DNAH1: variants seen among roughly 807,000 people sequenced by gnomAD.
DNAH1 encodes axonemal beta dynein heavy chain 1.
In DNAH1, 327 loss-of-function variants were observed where a neutral mutation model predicts 484.3. That is an observed-to-expected ratio of 0.68 (90% CI 0.62 to 0.74). DNAH1 has a LOEUF of 0.74. Among genes scored for constraint, DNAH1 ranks in the 30% least tolerant of loss-of-function variants. The pLI is 0.00. For missense variants in DNAH1, 5,052 were observed against 5,546.8 expected (o/e 0.91, Z 2.83); for synonymous variants, 2,192 against 2,191.9 (o/e 1.00, Z 0.00).
chr3:52,392,499 C>G lies in DNAH1; in HGVS notation c.10088C>G (p.Ala3363Gly). 6.2e-7 allele frequency: 1 copy of G among 1,613,878 alleles called. No homozygotes were observed. Among genetic ancestry groups the G allele is most frequent in the Non-Finnish European group, 8.5e-7 (1 of 1,179,866 alleles). ...GACCAGCTACTGGGCCAGGTAGTGG[C>G]AGAGGAGCGACCCGACCTGGAGGAG... is the stretch of plus-strand genomic sequence containing the variant. ...LEDQLLGQVV[A>G]EERPDLEEAK... Residue 3363 changes from alanine to glycine, a missense_variant, in exon 64 of 78, where the codon GCA becomes GGA. Coordinates refer to ENST00000420323, the MANE Select transcript of DNAH1 (RefSeq NM_015512.5).
intron 46 of DNAH1, among the ~76,000 whole-genome samples, chr3:52,378,293 T>G (rs1703690489): frequency 6.6e-6 from 1 of 151,338 alleles, no homozygotes; most frequent in South Asian, 2.1e-4. Flanking sequence ...ACAGCCTCCA[T>G]AGGACAAGGC....
At chr3:52,394,037 C>A (rs1704509443) in intron 66 of DNAH1, among the ~76,000 whole-genome samples, 1 of 152,260 alleles carries the variant, frequency 6.6e-6, no homozygotes, top group African/African-American at 2.4e-5. Flanking sequence ...AGACTGTCCC[C>A]AGGGACGGAC....
Position 52,391,167 on chromosome 3 carries a change from C to T in DNAH1, c.9742-12C>T, listed in dbSNP as rs1273323059. 4 of 1,613,528 alleles carry T rather than the reference C, an allele frequency of 2.5e-6. No homozygotes were observed. The East Asian group carries it at 6.7e-5, about 27-fold the overall frequency. The stretch of plus-strand genomic sequence containing the variant: ...AGTCCCTGCAACCCCTTCTTTTCCC[C>T]TTCCCTTACAGGAGAAGGACAATGG... On this transcript the variant is annotated splice_polypyrimidine_tract_variant and intron_variant, in intron 61 of 77. Transcript: ENST00000420323.
In DNAH1 at chr3:52,332,391, C is replaced by G; in HGVS notation, c.1283C>G (p.Pro428Arg). The change falls in exon 8 of 78, where the codon CCC becomes CGC. Residue 428 changes from proline (P) to arginine (R), a missense_variant. Physicochemically the swap from Pro to Arg is moderately radical, Grantham distance 103. Around this residue, in one of 4 missense-constraint regions of DNAH1, gnomAD observed 1,263 missense variants for 1,218.8 expected, o/e 1.04. Coordinates refer to ENST00000420323, the MANE Select transcript of DNAH1 (RefSeq NM_015512.5). ...AGCACGCCTCGGATGCGCAAAGGCCCCTCGTGAGTCCCCGCTCGGCCTTCC... is the reference window on the plus strand; with the variant it reads ...AGCACGCCTCGGATGCGCAAAGGCCGCTCGTGAGTCCCCGCTCGGCCTTCC... ...ALSTPRMRKG[P>R]SVLEHLSSLA... is the part of the protein sequence containing the mutation. 1 of 1,612,224 alleles carries G rather than the reference C, an allele frequency of 6.2e-7. No individual in the cohort carries two copies.
chr3:52,367,217 C>A (rs1279336468), intron 36 of DNAH1, among the ~76,000 whole-genome samples: 5 of 152,180 alleles, frequency 3.3e-5, no homozygotes, highest in Non-Finnish European at 7.3e-5. Flanking sequence ...TGCTCCCAGG[C>A]CGGGGTGTGC....
intron 8 of DNAH1, among the ~76,000 whole-genome samples, chr3:52,343,042 A>G (rs1261830289): frequency 1.3e-5 from 2 of 152,130 alleles, no homozygotes; most frequent in African/African-American, 4.8e-5. Context: ...ATCCAGGGGA[A>G]GGGTGTCCCA....
rs940918179 is a variant in DNAH1 at position 52,394,356 on chromosome 3, TCA to T, written c.10627-108_10627-107del. 1.2e-5 allele frequency: 13 copies of T among 1,045,520 alleles called. No individual in the cohort carries two copies. In the African/African-American group the frequency reaches 2.1e-4, roughly 17 times the overall value. 64.8% of individuals were successfully genotyped at this position (1,045,520 alleles called of 1,614,324 possible). ...TTTGACTACCATCCCCAAGGGAGAC[TCA>T]GTTTCTCCAGGTGAGGGTGGTTAGA... On this transcript the variant is annotated intron_variant, in intron 66 of 77. Coordinates refer to ENST00000420323, the MANE Select transcript of DNAH1 (RefSeq NM_015512.5).
rs1008170448 is a variant in DNAH1, at chr3:52,358,534, C to G, written c.4087-24C>G. 5.0e-6 allele frequency: 8 copies of G among 1,584,204 alleles called. No individual in the cohort carries two copies. The highest frequency in any genetic ancestry group is 1.3e-5 in the African/African-American group (1 of 74,186). On this transcript the variant is annotated intron_variant, in intron 24 of 77. Coordinates refer to ENST00000420323, the MANE Select transcript of DNAH1 (RefSeq NM_015512.5). This position sits in a 1 kb window ranked among gnomAD's most constrained non-coding sequence, Gnocchi z 4.2. Reference sequence around the variant, plus strand: ...ATCTGGGCACACCAGGGTGACCCCACTCCTGCTCCTCCACTGCTTGCAGCT... The same window carrying G: ...ATCTGGGCACACCAGGGTGACCCCAGTCCTGCTCCTCCACTGCTTGCAGCT...
intron 34 of DNAH1, 61 bp from the exon 35 acceptor site, chr3:52,366,396 G>A (rs1326950301): frequency 2.9e-6 from 4 of 1,358,688 alleles, no homozygotes; most frequent in Non-Finnish European, 3.1e-6. Context: ...ACACAAGTTA[G>A]TGGTGTGGCC....
In DNAH1 at chr3:52,395,360, T is replaced by C. The variant is rs774325182; in HGVS notation, c.11021T>C (p.Ile3674Thr). The C allele has an allele frequency of 6.2e-7, 1 of 1,613,792 alleles. No individual in the cohort carries two copies. Among genetic ancestry groups the C allele is most frequent in the South Asian group, 1.1e-5 (1 of 91,070 alleles). Residue 3674 changes from isoleucine to threonine, a missense_variant, in exon 69 of 78, where the codon ATC becomes ACC. Coordinates refer to ENST00000420323, the MANE Select transcript of DNAH1 (RefSeq NM_015512.5). The surrounding 1 kb of genome is among the most constrained non-coding windows in gnomAD (Gnocchi z 4.4). ...GACTCCAACTCCACCACACCCCTCA[T>C]CTTTGTGCTGTCACCCGGCACAGAC... is the stretch of plus-strand genomic sequence containing the variant. The part of the protein sequence containing the change: ...FKDSNSTTPL[I>T]FVLSPGTDPA...
At position 52,358,139 on chromosome 3, in the gene DNAH1, G is replaced by A. The variant is rs1003732956; in HGVS notation, c.4086+136G>A. On this transcript the variant is annotated intron_variant, in intron 24 of 77. Coordinates refer to ENST00000420323, the MANE Select transcript of DNAH1 (RefSeq NM_015512.5). The surrounding 1 kb of genome is among the most constrained non-coding windows in gnomAD (Gnocchi z 4.2). The stretch of plus-strand genomic sequence containing the variant: ...TCCTGGTCTTTGGAGACACACCTGG[G>A]GCCTGTGGGAGGAAGGTCAACTGCA... The A allele has an allele frequency of 3.9e-5, 29 of 741,080 alleles. 1 individual carries two copies. The South Asian group carries it at 4.2e-4, about 11-fold the overall frequency. 45.9% of individuals were successfully genotyped at this position (741,080 alleles called of 1,614,324 possible).
chr3:52,392,851 C>G lies in DNAH1; in HGVS notation c.10300C>G (p.Gln3434Glu). 1.3e-6 allele frequency: 2 copies of G among 1,597,916 alleles called. No individual in the cohort carries two copies. Among genetic ancestry groups the G allele is most frequent in the Non-Finnish European group, 8.5e-7 (1 of 1,171,076 alleles). ...EIQAKVRIAE[Q>E]TEKDIDLTRM... The stretch of plus-strand genomic sequence containing the variant: ...ACAGGCCAAAGTCAGGATTGCAGAG[C>G]AGACGGAGAAGGACATCGACCTGAC... The change falls in exon 65 of 78, where the codon CAG (glutamine) becomes GAG (glutamate). Residue 3434 changes from glutamine (Q) to glutamate (E), a missense_variant. Transcript: ENST00000420323.
Position 52,386,655 on chromosome 3 carries a change from C to A in DNAH1, c.8812-7C>A, listed in dbSNP as rs2153225360. ...GAGTCTTCCCCACTTGGTGGCTGGG[C>A]CTGCAGGTACGTGCCATGCAGCGGC... On this transcript the variant is annotated splice_region_variant and splice_polypyrimidine_tract_variant and intron_variant, in intron 55 of 77. Transcript: ENST00000420323. The A allele has an allele frequency of 6.4e-7, 1 of 1,560,238 alleles. No homozygotes were observed.
At position 52,361,726 on chromosome 3, in the gene DNAH1, C is replaced by T. The variant is rs1261590679; in HGVS notation, c.4940C>T (p.Ala1647Val). Residue 1647 changes from alanine (A) to valine (V), a missense_variant, in exon 30 of 78, where the codon GCG becomes GTG. Physicochemically the swap from Ala to Val is moderately conservative, Grantham distance 64. Coordinates refer to ENST00000420323, the MANE Select transcript of DNAH1 (RefSeq NM_015512.5). The surrounding 1 kb of genome is among the most constrained non-coding windows in gnomAD (Gnocchi z 5.6). Reference protein sequence around the residue: ...RIDIEVLSVVAQQITTIQKAQ... With the variant: ...RIDIEVLSVVVQQITTIQKAQ... ...GACATCGAGGTGCTGTCTGTGGTGG[C>T]GCAGCAGATCACCACCATCCAGAAG... The T allele has an allele frequency of 3.7e-6, 6 of 1,610,804 alleles. No individual in the cohort carries two copies. Among genetic ancestry groups the T allele is most frequent in the East Asian group, 4.5e-5 (2 of 44,768 alleles).
At chr3:52,332,457 G>A in intron 8 of DNAH1, 63 bp downstream of exon 8, 1 of 1,578,768 alleles carries the variant, frequency 6.3e-7, no homozygotes, top group South Asian at 1.1e-5. Flanking sequence ...CTTCCCATAG[G>A]AAGTTGGTGC....
chr3:52,366,417 C>T (rs1703074382), intron 34 of DNAH1, 40 bp from the exon 35 acceptor site: 4 of 1,533,048 alleles, frequency 2.6e-6, no homozygotes, highest in Non-Finnish European at 3.5e-6. Context: ...AGGACCCAAG[C>T]CCATGCTCTG....
chr3:52,352,705 A>G lies in DNAH1; in HGVS notation c.3025A>G (p.Asn1009Asp). 6.2e-7 allele frequency: 1 copy of G among 1,608,256 alleles called. No individual in the cohort carries two copies. Among genetic ancestry groups the G allele is most frequent in the Non-Finnish European group, 8.5e-7 (1 of 1,176,036 alleles). ...RERIFSLPIT[N>D]YDKLSRMVKE... ...GCGCATCTTCAGCTTGCCCATCACCAATGTAGGCCTCCTGCAGGCACCCTG... is the reference window on the plus strand; with the variant it reads ...GCGCATCTTCAGCTTGCCCATCACCGATGTAGGCCTCCTGCAGGCACCCTG... The change falls in exon 18 of 78, where the codon AAT becomes GAT. Residue 1009 changes from asparagine to aspartate, a missense_variant and splice_region_variant. Physicochemically the swap from Asn to Asp is conservative, Grantham distance 23 (BLOSUM62 1). This residue lies in a region of DNAH1 where 2,929 missense variants were observed against 3,409.4 expected (regional missense o/e 0.86). Coordinates refer to ENST00000420323, the MANE Select transcript of DNAH1 (RefSeq NM_015512.5).
rs369999381 is a variant in DNAH1, at chr3:52,372,438, G to C, written c.6827+51G>C. 3.1e-6 allele frequency: 5 copies of C among 1,598,812 alleles called. No homozygotes were observed. The African/African-American group carries it at 4.0e-5, about 13-fold the overall frequency. Reference sequence around the variant, plus strand: ...ACCCCTGCATCCTCCCAGCCTGGCCGATCCAGCTGCTGTCCCACCTCTCCA... The same window carrying C: ...ACCCCTGCATCCTCCCAGCCTGGCCCATCCAGCTGCTGTCCCACCTCTCCA... On this transcript the variant is annotated intron_variant, in intron 43 of 77. Transcript: ENST00000420323.
rs1195077348 is a variant in DNAH1 at position 52,381,045 on chromosome 3, A to G, written c.7609-595A>G. On this transcript the variant is annotated intron_variant, in intron 48 of 77. Transcript: ENST00000420323. The surrounding 1 kb of genome is among the most constrained non-coding windows in gnomAD (Gnocchi z 4.1). ...TTTGGGTGGGCTGGGGCTAGCTTCT[A>G]TGTGTTTAACAATATGCTTGATCCC... is the stretch of plus-strand genomic sequence containing the variant. 2.0e-5 allele frequency among the ~76,000 whole-genome samples: 3 copies of G among 152,080 alleles called. No individual in the cohort carries two copies. Among genetic ancestry groups the G allele is most frequent in the African/African-American group, 7.2e-5 (3 of 41,416 alleles).
Sources: gnomAD v4.1 joint callset for allele counts (sites outside exome capture counted in the v4.1 genomes callset) on GRCh38, gnomAD v4.1.1 for gene constraint, gnomAD v4.1.1 regional missense constraint, Gnocchi (gnomAD v3.1) non-coding constraint, MANE v1.5 for transcripts, NCBI Gene and HGNC (gene_info 2026-07-23, HGNC 2026-07-21) for gene names.